The following FHIT variants were observed in gnomAD, a reference collection of about 807,000 sequenced individuals.
FHIT encodes bis(5'-adenosyl)-triphosphatase.
In FHIT, 19 loss-of-function variants were observed where a neutral mutation model predicts 17.9. The ratio of observed to expected loss-of-function variants is 1.06; its 90% CI spans 0.74 to 1.56. The LOEUF is 1.56. Ranked by LOEUF, FHIT falls within the 40% of genes most tolerant of loss-of-function variation. The pLI, the probability that FHIT is intolerant of heterozygous loss-of-function variation, is 0.00. For synonymous variants in FHIT, 81 were observed against 69.7 expected (o/e 1.16, Z -0.81); for missense variants, 248 against 189.2 (o/e 1.31, Z -1.82).
chr3:60,687,108 C>T (rs989241301), intron 4 of FHIT, among the ~76,000 whole-genome samples: 3 of 152,186 alleles, frequency 2.0e-5, no homozygotes, highest in Admixed American at 1.3e-4. Context: ...AAATAACATA[C>T]CTTGCTACAG....
chr3:61,182,865 G>A (rs1050384014), intron 2 of FHIT, among the ~76,000 whole-genome samples: 10 of 152,134 alleles, frequency 6.6e-5, no homozygotes, highest in African/African-American at 2.4e-4. Context: ...GTGTCATAGA[G>A]GAAGTCCTCT....
In FHIT at chr3:60,514,880, C is replaced by T. The variant is rs548715754; in HGVS notation, c.103+21980G>A. On this transcript the variant is annotated intron_variant, in intron 5 of 9. Transcript: ENST00000492590. ...TCTTTGGACACTGAGGACTCTCCCACCAACAGCCACACTGACAACAGCCTT... is the reference window on the plus strand; with the variant it reads ...TCTTTGGACACTGAGGACTCTCCCATCAACAGCCACACTGACAACAGCCTT... Among the ~76,000 whole-genome samples, 7 of 108,474 alleles carry T rather than the reference C, an allele frequency of 6.5e-5. No individual in the cohort carries two copies. In the East Asian group the frequency reaches 7.8e-4, roughly 12 times the overall value. 71.2% of individuals were successfully genotyped at this position (108,474 alleles called of 152,430 possible).
intron 4 of FHIT, among the ~76,000 whole-genome samples, chr3:60,568,004 T>C (rs949820728): frequency 6.6e-5 from 10 of 152,334 alleles, no homozygotes; most frequent in African/African-American, 2.4e-4. Context: ...TTTACAGTGT[T>C]GGTGGGACTG....
intron 4 of FHIT, among the ~76,000 whole-genome samples, chr3:60,770,323 A>G (rs1699999270): frequency 6.6e-6 from 1 of 152,146 alleles, no homozygotes; most frequent in Admixed American, 6.5e-5. Flanking sequence ...AAGGGATCAG[A>G]GCGAAATTTG....
At chr3:60,284,905 TG>T (rs1276131960) in intron 5 of FHIT, among the ~76,000 whole-genome samples, 1 of 152,164 alleles carries the variant, frequency 6.6e-6, no homozygotes, top group African/African-American at 2.4e-5. Context: ...AACATATCTG[TG>T]TTTGGCTTTG....
chr3:59,837,613 A>T (rs1701385255), intron 8 of FHIT, among the ~76,000 whole-genome samples: 1 of 152,154 alleles, frequency 6.6e-6, no homozygotes, highest in Non-Finnish European at 1.5e-5. Flanking sequence ...ACACAAGTAA[A>T]CAAAAGTTGA....
At chr3:60,130,886 T>TAC (rs1274346911) in intron 5 of FHIT, among the ~76,000 whole-genome samples, 7 of 99,562 alleles carry the variant, frequency 7.0e-5, no homozygotes, top group East Asian at 2.5e-4. Flanking sequence ...TACATGTATA[T>TAC]ACACACATAC....
At chr3:60,115,910 T>TAAA (rs978241304) in intron 5 of FHIT, among the ~76,000 whole-genome samples, 19 of 152,198 alleles carry the variant, frequency 1.2e-4, no homozygotes, top group Non-Finnish European at 1.9e-4. Flanking sequence ...AGGAATTTTT[T>TAAA]AAAGCACTGG....
intron 4 of FHIT, among the ~76,000 whole-genome samples, chr3:60,668,937 A>G (rs1182103277): frequency 1.3e-5 from 2 of 152,142 alleles, no homozygotes; most frequent in Admixed American, 1.3e-4. Context: ...TCTTAGCAGG[A>G]AAAAGCAGGG....
At chr3:60,055,428 A>T (rs1281259247) in intron 5 of FHIT, among the ~76,000 whole-genome samples, 1 of 151,438 alleles carries the variant, frequency 6.6e-6, no homozygotes, top group African/African-American at 2.4e-5. Context: ...CCAACTGACA[A>T]ATGTATGGTG....
At chr3:60,164,663 T>C (rs1576233263) in intron 5 of FHIT, among the ~76,000 whole-genome samples, 2 of 151,940 alleles carry the variant, frequency 1.3e-5, no homozygotes, top group East Asian at 3.9e-4. Flanking sequence ...TATAAAGCTG[T>C]CAGGTTAATT....
intron 5 of FHIT, among the ~76,000 whole-genome samples, chr3:60,121,497 C>G (rs565248020): frequency 1.3e-5 from 2 of 152,052 alleles, no homozygotes; most frequent in East Asian, 3.9e-4. Context: ...ACCAGCTTGG[C>G]CAACATGGTG....
At position 60,244,505 on chromosome 3, in the gene FHIT, G is replaced by T. The variant is rs190067213; in HGVS notation, c.104-230353C>A. Among the ~76,000 whole-genome samples, 100 of 152,116 alleles carry T rather than the reference G, an allele frequency of 6.6e-4. 1 individual carries two copies. The Middle Eastern group carries it at 0.014, about 21-fold the overall frequency. Reference sequence around the variant, plus strand: ...ACAAGATAATCATGAGCCTTTACAAGATTTCATGTTGATTAACAGTAAATA... The same window carrying T: ...ACAAGATAATCATGAGCCTTTACAATATTTCATGTTGATTAACAGTAAATA... On this transcript the variant is annotated intron_variant, in intron 5 of 9. Transcript: ENST00000492590.
At chr3:60,889,533 T>C (rs1553760159) in intron 3 of FHIT, among the ~76,000 whole-genome samples, 4 of 152,218 alleles carry the variant, frequency 2.6e-5, no homozygotes, top group Non-Finnish European at 1.5e-5. Context: ...CCAGACCAAC[T>C]GCTCACTGAT....
At chr3:60,695,700 G>A (rs2041098983) in intron 4 of FHIT, among the ~76,000 whole-genome samples, 1 of 152,166 alleles carries the variant, frequency 6.6e-6, no homozygotes, top group South Asian at 2.1e-4. Flanking sequence ...GGGAGAGGCT[G>A]CAAAGCATTC....
At chr3:59,971,879 G>T (rs1016798910) in intron 7 of FHIT, among the ~76,000 whole-genome samples, 4 of 152,114 alleles carry the variant, frequency 2.6e-5, no homozygotes, top group Non-Finnish European at 2.9e-5. Context: ...AAGTTAAATG[G>T]CAACAAAATA....
intron 5 of FHIT, among the ~76,000 whole-genome samples, chr3:60,278,333 C>T (rs1372568285): frequency 6.6e-6 from 1 of 152,098 alleles, no homozygotes; most frequent in African/African-American, 2.4e-5. Flanking sequence ...GCTATTTTAC[C>T]AGAGTTCTAT....
chr3:60,984,416 C>T (rs992451401), intron 3 of FHIT, among the ~76,000 whole-genome samples: 15 of 152,204 alleles, frequency 9.9e-5, no homozygotes, highest in African/African-American at 3.4e-4. Context: ...AATACACCCA[C>T]CCAAATGTTC....
intron 8 of FHIT, among the ~76,000 whole-genome samples, chr3:59,870,867 G>A: frequency 1.0e-5 from 1 of 97,616 alleles, no homozygotes; most frequent in East Asian, 2.3e-4. Context: ...GTGTGTGTGT[G>A]TGTGTGCGTG....
Sources: allele counts gnomAD v4.1 joint callset (sites outside exome capture counted in the v4.1 genomes callset), GRCh38; gene constraint gnomAD v4.1.1; transcripts MANE v1.5; gene names NCBI Gene and HGNC (gene_info 2026-07-23, HGNC 2026-07-21).